Variants in TENM3 observed in about 807,000 individuals in gnomAD.
TENM3 encodes the protein teneurin-3.
In TENM3, 63 loss-of-function variants were observed where a neutral mutation model predicts 255.1. The observed-to-expected ratio is 0.25, with a 90% CI of 0.20 to 0.30. The LOEUF (loss-of-function observed/expected upper bound fraction) is 0.30, where lower values mean the gene tolerates loss of function less well. TENM3 is among the 10% of genes least tolerant of loss of function. TENM3 has a pLI of 1.00. For synonymous variants in TENM3, 1,306 were observed against 1,322.3 expected (o/e 0.99, Z 0.27); for missense variants, 2,929 against 3,461.1 (o/e 0.85, Z 3.86).
At chr4:182,273,791 C>T (rs768036102) in intron 1 of TENM3, among the ~76,000 whole-genome samples, 5 of 152,140 alleles carry the variant, frequency 3.3e-5, no homozygotes, top group East Asian at 1.9e-4. Flanking sequence ...GACAAAGGGA[C>T]GTGTAAATTG....
intron 3 of TENM3, among the ~76,000 whole-genome samples, chr4:182,425,222 T>C (rs1017312280): frequency 6.6e-6 from 1 of 152,242 alleles, no homozygotes; most frequent in Non-Finnish European, 1.5e-5. Context: ...GGTGATTATG[T>C]TGGACTCCAT....
At chr4:181,906,273 G>A in the TENM3 span, 1 of 178,716 alleles carries the variant, frequency 5.6e-6, no homozygotes, top group Non-Finnish European at 1.2e-5. Flanking sequence ...TGGTCTATAG[G>A]GGTTGTGGAC....
chr4:181,624,423 C>G, the TENM3 span, among the ~76,000 whole-genome samples: 3 of 152,130 alleles, frequency 2.0e-5, no homozygotes, highest in East Asian at 3.9e-4. Flanking sequence ...TTTACATGTC[C>G]TGGAAGGGAG....
chr4:181,599,489 A>G, the TENM3 span, among the ~76,000 whole-genome samples: 1 of 152,212 alleles, frequency 6.6e-6, no homozygotes, highest in Non-Finnish European at 1.5e-5. Flanking sequence ...GAGACACTGA[A>G]CACAACTTAT....
At chr4:181,842,406 T>C in the TENM3 span, among the ~76,000 whole-genome samples, 2 of 152,352 alleles carry the variant, frequency 1.3e-5, no homozygotes, top group South Asian at 4.1e-4. Flanking sequence ...CATTCTCTTC[T>C]TTTATTCTTA....
chr4:182,170,603 A>C (rs1347342082), intron 1 of TENM3, among the ~76,000 whole-genome samples: 1 of 127,000 alleles, frequency 7.9e-6, no homozygotes, highest in East Asian at 2.1e-4. Context: ...ATAAAATTTA[A>C]TTAGTTGTAA....
the TENM3 span, among the ~76,000 whole-genome samples, chr4:181,592,466 G>C: frequency 6.6e-6 from 1 of 151,562 alleles, no homozygotes; most frequent in South Asian, 2.1e-4. Flanking sequence ...AGGACCGGTC[G>C]CGAAGCCCAT....
chr4:182,039,203 T>G, the TENM3 span, among the ~76,000 whole-genome samples: 1 of 152,178 alleles, frequency 6.6e-6, no homozygotes, highest in Non-Finnish European at 1.5e-5. Flanking sequence ...CCTCAAGATG[T>G]TTGAATCCTG....
chr4:182,582,453 A>G (rs1322311059), intron 3 of TENM3, among the ~76,000 whole-genome samples: 1 of 152,140 alleles, frequency 6.6e-6, no homozygotes, highest in Non-Finnish European at 1.5e-5. Context: ...TGTTAAGCCT[A>G]TTGCGTAATC....
the TENM3 span, among the ~76,000 whole-genome samples, chr4:181,515,323 A>G: frequency 6.6e-6 from 1 of 152,108 alleles, no homozygotes; most frequent in Admixed American, 6.5e-5. Flanking sequence ...CATTTCTTGC[A>G]TTAGAGTTTA....
At chr4:182,787,013 C>A (rs868035354) in intron 24 of TENM3, among the ~76,000 whole-genome samples, 7 of 152,162 alleles carry the variant, frequency 4.6e-5, no homozygotes, top group Non-Finnish European at 5.9e-5. Flanking sequence ...TGCCATTTAT[C>A]ACTTTGATAC....
the TENM3 span, among the ~76,000 whole-genome samples, chr4:182,046,371 A>G: frequency 6.6e-6 from 1 of 152,042 alleles, no homozygotes; most frequent in Non-Finnish European, 1.5e-5. Context: ...ACAAAATTTG[A>G]TCAATCTACT....
chr4:182,099,132 T>G, the TENM3 span, among the ~76,000 whole-genome samples: 1 of 151,766 alleles, frequency 6.6e-6, no homozygotes, highest in East Asian at 1.9e-4. Context: ...CAGCTAACTT[T>G]TTTTGTATTT....
the TENM3 span, among the ~76,000 whole-genome samples, chr4:182,096,548 G>A: frequency 6.6e-6 from 1 of 152,056 alleles, no homozygotes; most frequent in African/African-American, 2.4e-5. Flanking sequence ...ATATATTATG[G>A]ACAATTAGCA....
At chr4:181,571,765 A>C in the TENM3 span, among the ~76,000 whole-genome samples, 1 of 152,186 alleles carries the variant, frequency 6.6e-6, no homozygotes, top group South Asian at 2.1e-4. Context: ...GTTCCCTCTA[A>C]CACCAAGCTC....
At chr4:181,661,730 T>C in the TENM3 span, among the ~76,000 whole-genome samples, 2 of 151,976 alleles carry the variant, frequency 1.3e-5, no homozygotes, top group Non-Finnish European at 2.9e-5. Flanking sequence ...CTGTAGTTTC[T>C]GTATTAATGG....
chr4:181,547,916 G>A, the TENM3 span, among the ~76,000 whole-genome samples: 970 of 151,830 alleles, frequency 6.4e-3, 6 homozygotes, highest in African/African-American at 0.022. Context: ...CCATTAACTC[G>A]TCATTTAACA....
At chr4:182,685,778 C>T (rs887914373) in intron 11 of TENM3, among the ~76,000 whole-genome samples, 12 of 151,894 alleles carry the variant, frequency 7.9e-5, no homozygotes, top group African/African-American at 2.7e-4. Context: ...TTATCCAAGT[C>T]GGAAAGGAAC....
the TENM3 span, among the ~76,000 whole-genome samples, chr4:181,926,505 T>G: frequency 6.6e-6 from 1 of 152,242 alleles, no homozygotes; most frequent in Non-Finnish European, 1.5e-5. Flanking sequence ...CTGGCATCCT[T>G]GCTTGGTAAG....
Sources: allele counts gnomAD v4.1 joint callset (sites outside exome capture counted in the v4.1 genomes callset), GRCh38; gene constraint gnomAD v4.1.1; transcripts MANE v1.5; gene names NCBI Gene and HGNC (gene_info 2026-07-23, HGNC 2026-07-21).